RSPH14: variants seen among roughly 807,000 people sequenced by gnomAD.
RSPH14 encodes the protein radial spoke head 14 homolog, also known as rhabdoid tumor deletion region gene 1.
RSPH14 carries 20 observed loss-of-function variants against 26.7 expected under a neutral mutation model. That is an observed-to-expected ratio of 0.75 (90% CI 0.53 to 1.09). RSPH14 has a LOEUF of 1.09. Among genes scored for constraint, RSPH14 ranks in the 50% least tolerant of loss-of-function variants. The probability of loss-of-function intolerance (pLI) is 0.00; values close to 1 mark genes in which losing one functional copy is unlikely to be tolerated. For missense variants in RSPH14, 449 were observed against 457.2 expected, an observed-to-expected ratio of 0.98 and a Z score of 0.16; for synonymous variants, 177 against 189.3, an observed-to-expected ratio of 0.93 and a Z score of 0.53.
chr22:23,175,404 C>T, the RSPH14 span, among the ~76,000 whole-genome samples: 15 of 152,194 alleles, frequency 9.9e-5, no homozygotes, highest in East Asian at 2.7e-3. Context: ...AGTGCAGTGG[C>T]GTAATCTCCC....
chr22:23,165,702 G>A, the RSPH14 span, among the ~76,000 whole-genome samples: 1 of 152,180 alleles, frequency 6.6e-6, no homozygotes, highest in Non-Finnish European at 1.5e-5. Context: ...CTCCCTGCTT[G>A]GTAGCTGGGC....
At position 23,065,534 on chromosome 22, in the gene RSPH14, CAAAAAAAAAA is replaced by C. The variant is rs10562943; in HGVS notation, c.422-1411_422-1402del. 3.1e-3 allele frequency among the ~76,000 whole-genome samples: 138 copies of C among 45,158 alleles called. 1 individual carries two copies. Among genetic ancestry groups the C allele is most frequent in the Middle Eastern group, 0.026 (1 of 38 alleles). The allele number at this position is 45,158 out of a possible 152,430, so 29.6% of individuals were successfully genotyped here. Reference sequence around the variant, plus strand: ...TTTTTTATTTAATATGCACAGATTGCAAAAAAAAAAAAAAAAAAAAAAAAAAAAGCCTAGG... The same window carrying C: ...TTTTTTATTTAATATGCACAGATTGCAAAAAAAAAAAAAAAAAAGCCTAGG... On this transcript the variant is annotated intron_variant, in intron 4 of 6. Coordinates refer to ENST00000216036, the MANE Select transcript of RSPH14 (RefSeq NM_014433.3).
At chr22:23,115,391 C>T (rs2146377126) in intron 4 of RSPH14, among the ~76,000 whole-genome samples, 1 of 152,318 alleles carries the variant, frequency 6.6e-6, no homozygotes, top group African/African-American at 2.4e-5. Flanking sequence ...GACGGTCCCA[C>T]CATCTCTGGG....
intron 4 of RSPH14, chr22:23,123,151 C>A: frequency 1.9e-6 from 3 of 1,613,918 alleles, no homozygotes; most frequent in Non-Finnish European, 2.5e-6. Context: ...TTCATCAACA[C>A]CTCACTCATC....
chr22:23,156,745 C>G, the RSPH14 span, among the ~76,000 whole-genome samples: 1 of 152,218 alleles, frequency 6.6e-6, no homozygotes, highest in African/African-American at 2.4e-5. Flanking sequence ...ACCAGGCAGC[C>G]CTCAGCCGTG....
At chr22:23,070,334 G>A (rs2146233466) in intron 4 of RSPH14, 1 of 141,132 alleles carries the variant, frequency 7.1e-6, no homozygotes, top group East Asian at 2.1e-4. Context: ...CGCGGCGCGG[G>A]GCGGGCGGAC....
intron 4 of RSPH14, among the ~76,000 whole-genome samples, chr22:23,085,725 G>T (rs1049910022): frequency 6.6e-6 from 1 of 152,198 alleles, no homozygotes; most frequent in Non-Finnish European, 1.5e-5. Flanking sequence ...AGGGCCTCTG[G>T]CCCTGGTTCC....
chr22:23,117,972 TGGTCTGGCCAGC>T (rs2146386219), intron 4 of RSPH14, among the ~76,000 whole-genome samples: 1 of 152,324 alleles, frequency 6.6e-6, no homozygotes, highest in South Asian at 2.1e-4. Flanking sequence ...GTGCCGGACC[TGGTCTGGCCAGC>T]AGTCTGGCAG....
Position 23,139,607 on chromosome 22 carries a change from C to T in RSPH14, c.199+615G>A, listed in dbSNP as rs929427498. Among the ~76,000 whole-genome samples, 8 of 151,848 alleles carry T rather than the reference C, an allele frequency of 5.3e-5. No individual in the cohort carries two copies. The East Asian group carries it at 7.8e-4, about 15-fold the overall frequency. ...TTGCACTTCAGCCTGGGCAAGAGAG[C>T]GAGATGCCATCTCAAAAAATAAATA... On this transcript the variant is annotated intron_variant, in intron 2 of 6. Transcript: ENST00000216036.
chr22:23,088,520 G>A (rs914444331), intron 4 of RSPH14, among the ~76,000 whole-genome samples: 17 of 152,218 alleles, frequency 1.1e-4, no homozygotes, highest in Non-Finnish European at 1.8e-4. Context: ...TGGGGGTGGG[G>A]CAGTGCTGAG....
At chr22:23,078,602 A>C (rs2068577026) in intron 4 of RSPH14, among the ~76,000 whole-genome samples, 1 of 151,898 alleles carries the variant, frequency 6.6e-6, no homozygotes, top group South Asian at 2.1e-4. Flanking sequence ...TGGATAGAGG[A>C]GGTGTGGAGG....
chr22:23,170,813 G>A, the RSPH14 span, among the ~76,000 whole-genome samples: 1 of 91,752 alleles, frequency 1.1e-5, no homozygotes, highest in Non-Finnish European at 2.1e-5. Flanking sequence ...GCACATTGAG[G>A]GTTAGAATTT....
the RSPH14 span, among the ~76,000 whole-genome samples, chr22:23,151,651 G>A: frequency 2.6e-5 from 4 of 152,202 alleles, no homozygotes. Flanking sequence ...GGAGGCTGAG[G>A]TGGGAGGATC....
At chr22:23,145,311 CCAGG>C, upstream of RSPH14, 2 of 1,353,936 alleles carry the variant, frequency 1.5e-6, no homozygotes, top group Non-Finnish European at 2.0e-6. Flanking sequence ...TCCAGGGTGT[CCAGG>C]AGTCTCTCTG....
At chr22:23,145,580 C>G, upstream of RSPH14, 1 of 1,584,554 alleles carries the variant, frequency 6.3e-7, no homozygotes, top group Non-Finnish European at 8.5e-7. Flanking sequence ...TCTGTCCGAC[C>G]CTCCCGGTCA....
chr22:23,159,262 G>A, the RSPH14 span: 1 of 1,575,610 alleles, frequency 6.3e-7, no homozygotes, highest in Non-Finnish European at 8.6e-7. Flanking sequence ...TGGTGAGTGG[G>A]CCAGGGCTGT....
intron 3 of RSPH14, among the ~76,000 whole-genome samples, chr22:23,135,244 T>C (rs1272939639): frequency 2.1e-5 from 3 of 140,948 alleles, no homozygotes; most frequent in Non-Finnish European, 4.5e-5. Flanking sequence ...AAGGCCAAGG[T>C]GGGCGGATCA....
the RSPH14 span, among the ~76,000 whole-genome samples, chr22:23,179,551 A>T: frequency 1.3e-3 from 203 of 152,342 alleles, no homozygotes; most frequent in Middle Eastern, 6.8e-3. Flanking sequence ...GTTCTGAGTC[A>T]GGTCGTCCTG....
intron 4 of RSPH14, chr22:23,132,582 A>G (rs1160936311): frequency 6.6e-6 from 1 of 152,090 alleles, no homozygotes; most frequent in East Asian, 1.9e-4. Context: ...ATTAAAACCA[A>G]AATGAGATAC....
Sources: gnomAD v4.1 joint callset for allele counts (sites outside exome capture counted in the v4.1 genomes callset) on GRCh38, gnomAD v4.1.1 for gene constraint, MANE v1.5 for transcripts, NCBI Gene and HGNC (gene_info 2026-07-23, HGNC 2026-07-21) for gene names.